PDE4B: variants seen among roughly 807,000 people sequenced by gnomAD.
PDE4B encodes the protein phosphodiesterase 4B.
A neutral mutation model predicts 82.2 loss-of-function variants in PDE4B; 20 were observed. The ratio of observed to expected loss-of-function variants is 0.24; its 90% CI spans 0.17 to 0.35. The LOEUF (loss-of-function observed/expected upper bound fraction) is 0.35. PDE4B is among the 10% of genes least tolerant of loss of function. The probability of loss-of-function intolerance (pLI) is 1.00; values close to 1 mark genes in which losing one functional copy is unlikely to be tolerated. For missense variants in PDE4B, 655 were observed against 907.2 expected, an observed-to-expected ratio of 0.72 and a Z score of 3.57; for synonymous variants, 320 against 318.9, an observed-to-expected ratio of 1.00 and a Z score of -0.04.
intron 7 of PDE4B, among the ~76,000 whole-genome samples, chr1:66,289,182 C>T (rs1656891300): frequency 6.6e-6 from 1 of 152,082 alleles, no homozygotes; most frequent in South Asian, 2.1e-4. Flanking sequence ...GCAGGAGGAT[C>T]CCTTGAGCCC....
chr1:65,975,909 G>A lies in PDE4B; in HGVS notation c.281+57074G>A, dbSNP rs572487895. On this transcript the variant is annotated intron_variant, in intron 3 of 16. Transcript: ENST00000341517. ...GTCAAGGTAGAAGTCTGCTTCAGGG[G>A]TGGAGCCCTCCTGGAGAACCTCTAC... 1.1e-4 allele frequency among the ~76,000 whole-genome samples: 17 copies of A among 152,338 alleles called. No homozygotes were observed. In the South Asian group the frequency reaches 3.5e-3, roughly 32 times the overall value.
intron 3 of PDE4B, among the ~76,000 whole-genome samples, chr1:66,151,962 A>C (rs1299807516): frequency 6.6e-6 from 1 of 152,248 alleles, no homozygotes; most frequent in Non-Finnish European, 1.5e-5. Flanking sequence ...CATTGAAGTT[A>C]ACTCGACTGA....
intron 1 of PDE4B, among the ~76,000 whole-genome samples, chr1:65,892,951 A>C (rs1646868545): frequency 6.6e-6 from 1 of 152,132 alleles, no homozygotes; most frequent in Non-Finnish European, 1.5e-5. Context: ...ACCTATTGAA[A>C]ATAAATAAAT....
rs983603674 is a variant in PDE4B at position 65,792,928 on chromosome 1, C to A, written c.-391C>A. Among the ~76,000 whole-genome samples, 1 of 151,886 alleles carries A rather than the reference C, an allele frequency of 6.6e-6. No homozygotes were observed. The highest frequency in any genetic ancestry group is 2.4e-5 in the African/African-American group (1 of 41,418). ...AGAGAAGAGCTGAGGGGCGCGTCGCCAGCGCCTGTGTCTCCCTGGCGCGGG... is the reference window on the plus strand; with the variant it reads ...AGAGAAGAGCTGAGGGGCGCGTCGCAAGCGCCTGTGTCTCCCTGGCGCGGG... On this transcript the variant is annotated 5_prime_UTR_variant, in exon 1 of 17. Transcript: ENST00000341517.
At chr1:66,357,076 T>G (rs1250948098) in intron 9 of PDE4B, among the ~76,000 whole-genome samples, 1 of 152,194 alleles carries the variant, frequency 6.6e-6, no homozygotes, top group Non-Finnish European at 1.5e-5. Context: ...TTTAGGGACA[T>G]TTTACAGGTT....
intron 3 of PDE4B, among the ~76,000 whole-genome samples, chr1:66,233,146 T>A (rs1467450988): frequency 2.0e-5 from 3 of 152,122 alleles, no homozygotes; most frequent in Non-Finnish European, 4.4e-5. Flanking sequence ...ACACCACCCC[T>A]TTCCCCCCAG....
intron 7 of PDE4B, among the ~76,000 whole-genome samples, chr1:66,313,340 G>A (rs916818047): frequency 7.2e-5 from 11 of 152,158 alleles, no homozygotes; most frequent in African/African-American, 2.2e-4. Flanking sequence ...AGTCTTGCTG[G>A]ACTGTAAGTG....
intron 8 of PDE4B, among the ~76,000 whole-genome samples, chr1:66,344,821 ACTCTGCAT>A (rs1251798259): frequency 6.6e-6 from 1 of 152,074 alleles, no homozygotes; most frequent in African/African-American, 2.4e-5. Context: ...TTCCCAGAAA[ACTCTGCAT>A]CTGCCCGAGG....
chr1:65,884,125 G>T (rs1029585661), intron 1 of PDE4B, among the ~76,000 whole-genome samples: 7 of 151,846 alleles, frequency 4.6e-5, no homozygotes, highest in East Asian at 3.9e-4. Context: ...TCTCTTTTTT[G>T]GTTGTGTCTC....
intron 3 of PDE4B, among the ~76,000 whole-genome samples, chr1:66,052,619 G>A (rs1247650382): frequency 2.3e-5 from 3 of 128,000 alleles, no homozygotes; most frequent in Non-Finnish European, 4.9e-5. Flanking sequence ...AACCTAATTT[G>A]CTTCCTCATG....
chr1:66,160,971 C>G (rs1646600700), intron 3 of PDE4B, among the ~76,000 whole-genome samples: 1 of 152,200 alleles, frequency 6.6e-6, no homozygotes, highest in African/African-American at 2.4e-5. Context: ...AGATCAGACT[C>G]CTATCCTAAA....
In PDE4B at chr1:66,162,365, C is replaced by A. The variant is rs187281702; in HGVS notation, c.282-85095C>A. 4.3e-3 allele frequency among the ~76,000 whole-genome samples: 487 copies of A among 112,580 alleles called. 11 individuals carry two copies. The highest frequency in any genetic ancestry group is 2.0e-3 in the Non-Finnish European group (122 of 60,654). 73.9% of individuals were successfully genotyped at this position (112,580 alleles called of 152,430 possible). A position where few individuals can be genotyped will look rare whatever the true frequency, so the allele number is the denominator to read the frequency against. On this transcript the variant is annotated intron_variant, in intron 3 of 16. Coordinates refer to ENST00000341517, the MANE Select transcript of PDE4B (RefSeq NM_002600.4). ...CTGGTGACCCATTCACATATAGCATCTAATCTGTGACTTCCAGCGAAGGGA... is the reference window on the plus strand; with the variant it reads ...CTGGTGACCCATTCACATATAGCATATAATCTGTGACTTCCAGCGAAGGGA...
intron 3 of PDE4B, among the ~76,000 whole-genome samples, chr1:66,168,533 A>T (rs1646779127): frequency 6.6e-6 from 1 of 152,162 alleles, no homozygotes; most frequent in Non-Finnish European, 1.5e-5. Flanking sequence ...CATGCCTGGC[A>T]TGGTGTAGTA....
intron 3 of PDE4B, among the ~76,000 whole-genome samples, chr1:66,224,144 T>C (rs1359289158): frequency 2.0e-5 from 3 of 149,950 alleles, no homozygotes; most frequent in African/African-American, 7.4e-5. Flanking sequence ...TTCCCATCTT[T>C]CCAGCGCATC....
At chr1:66,199,479 G>C (rs2101522479) in intron 3 of PDE4B, among the ~76,000 whole-genome samples, 1 of 151,648 alleles carries the variant, frequency 6.6e-6, no homozygotes, top group South Asian at 2.1e-4. Context: ...TTTTTTTCTT[G>C]TAAATTTGTT....
chr1:65,873,519 G>T (rs2100308372), intron 1 of PDE4B, among the ~76,000 whole-genome samples: 1 of 152,156 alleles, frequency 6.6e-6, no homozygotes, highest in Middle Eastern at 3.4e-3. Flanking sequence ...AGGACCAGTT[G>T]GTTTAAAGCT....
At chr1:66,229,102 G>T (rs1341844486) in intron 3 of PDE4B, among the ~76,000 whole-genome samples, 1 of 152,018 alleles carries the variant, frequency 6.6e-6, no homozygotes, top group African/African-American at 2.4e-5. Flanking sequence ...CTGCCTCCTG[G>T]GTTCACGCCA....
chr1:66,258,081 A>G (rs1344218845), intron 6 of PDE4B, among the ~76,000 whole-genome samples: 1 of 152,208 alleles, frequency 6.6e-6, no homozygotes, highest in Non-Finnish European at 1.5e-5. Context: ...CTTTGTACCC[A>G]TAAGACTCAG....
intron 3 of PDE4B, among the ~76,000 whole-genome samples, chr1:66,178,431 GATAA>G (rs1245881545): frequency 6.6e-6 from 1 of 152,030 alleles, no homozygotes; most frequent in Non-Finnish European, 1.5e-5. Context: ...TCTACCATAT[GATAA>G]ATAAATACAA....
Sources: gnomAD v4.1 joint callset for allele counts (sites outside exome capture counted in the v4.1 genomes callset) on GRCh38, gnomAD v4.1.1 for gene constraint, MANE v1.5 for transcripts, NCBI Gene and HGNC (gene_info 2026-07-23, HGNC 2026-07-21) for gene names.